Variants in PPP2R2B observed in about 807,000 individuals in gnomAD.
PPP2R2B encodes serine/threonine-protein phosphatase 2A 55 kDa regulatory subunit B beta isoform.
PPP2R2B carries 5 observed loss-of-function variants against 46.0 expected under a neutral mutation model. The ratio of observed to expected loss-of-function variants is 0.11; its 90% CI spans 0.06 to 0.23. The LOEUF (loss-of-function observed/expected upper bound fraction) is 0.23, where lower values mean the gene tolerates loss of function less well. Ranked by LOEUF, PPP2R2B falls within the 10% of genes least tolerant of loss-of-function variation. The pLI is 1.00. For missense variants in PPP2R2B, 367 were observed against 575.0 expected, an observed-to-expected ratio of 0.64 and a Z score of 3.70; for synonymous variants, 215 against 206.7, an observed-to-expected ratio of 1.04 and a Z score of -0.34.
intron 2 of PPP2R2B, among the ~76,000 whole-genome samples, chr5:146,858,295 T>C (rs536564061): frequency 1.9e-4 from 29 of 152,144 alleles, no homozygotes; most frequent in Non-Finnish European, 3.8e-4. Context: ...AAAATGTATG[T>C]GGTCCAGTGC....
chr5:146,737,237 G>A (rs1040470316), intron 2 of PPP2R2B, among the ~76,000 whole-genome samples: 3 of 152,190 alleles, frequency 2.0e-5, no homozygotes, highest in African/African-American at 4.8e-5. Context: ...TAGGACAAGT[G>A]CCTTCTAGGC....
intron 2 of PPP2R2B, among the ~76,000 whole-genome samples, chr5:146,780,341 T>C (rs1235592206): frequency 6.6e-6 from 1 of 152,176 alleles, no homozygotes. Context: ...AGAAAAGTAA[T>C]AATAAAGTAG....
chr5:147,071,846 G>C (rs903411253), intron 2 of PPP2R2B, among the ~76,000 whole-genome samples: 1 of 152,186 alleles, frequency 6.6e-6, no homozygotes, highest in Non-Finnish European at 1.5e-5. Context: ...AGAATGCCAA[G>C]CACATAGTAG....
intron 2 of PPP2R2B, among the ~76,000 whole-genome samples, chr5:146,819,103 C>G (rs1758104439): frequency 6.6e-6 from 1 of 152,168 alleles, no homozygotes; most frequent in Non-Finnish European, 1.5e-5. Flanking sequence ...TGAAAATCAG[C>G]TCTAATTCTT....
At chr5:146,861,334 G>T (rs1241288879) in intron 2 of PPP2R2B, among the ~76,000 whole-genome samples, 2 of 152,048 alleles carry the variant, frequency 1.3e-5, no homozygotes, top group African/African-American at 2.4e-5. Flanking sequence ...GGGATTACAG[G>T]TGTGAGCCAC....
chr5:146,837,302 C>A (rs181801959), intron 2 of PPP2R2B, among the ~76,000 whole-genome samples: 31 of 152,248 alleles, frequency 2.0e-4, no homozygotes, highest in South Asian at 4.1e-4. Flanking sequence ...TTGTTCTGAG[C>A]CCATTTAAAG....
At chr5:146,968,181 T>C (rs1289869883) in intron 1 of PPP2R2B, among the ~76,000 whole-genome samples, 2 of 152,228 alleles carry the variant, frequency 1.3e-5, no homozygotes, top group South Asian at 2.1e-4. Flanking sequence ...GGCAAAGTCA[T>C]TCCACATTCC....
At chr5:146,979,513 AACTT>A (rs1753067428) in intron 1 of PPP2R2B, among the ~76,000 whole-genome samples, 1 of 151,790 alleles carries the variant, frequency 6.6e-6, no homozygotes, top group African/African-American at 2.4e-5. Context: ...CAATAAATAA[AACTT>A]AAATGAACCA....
intron 2 of PPP2R2B, among the ~76,000 whole-genome samples, chr5:147,068,816 T>C (rs1264793679): frequency 6.6e-6 from 1 of 152,196 alleles, no homozygotes; most frequent in Non-Finnish European, 1.5e-5. Flanking sequence ...TTGAATATCA[T>C]TGGTATAGAC....
chr5:146,820,809 C>T (rs180934750), intron 2 of PPP2R2B, among the ~76,000 whole-genome samples: 55 of 152,254 alleles, frequency 3.6e-4, no homozygotes, highest in East Asian at 2.5e-3. Flanking sequence ...GGACTCCATC[C>T]GTCAAATTGC....
chr5:146,618,314 T>C (rs1773389909), intron 7 of PPP2R2B, among the ~76,000 whole-genome samples: 1 of 152,126 alleles, frequency 6.6e-6, no homozygotes, highest in Non-Finnish European at 1.5e-5. Context: ...AGGCAGCCTC[T>C]CGAAGCTCAA....
intron 2 of PPP2R2B, among the ~76,000 whole-genome samples, chr5:146,770,948 T>C (rs1388651616): frequency 6.6e-6 from 1 of 152,202 alleles, no homozygotes; most frequent in East Asian, 1.9e-4. Context: ...AGTGACATTC[T>C]TTTTTAATAA....
At chr5:146,856,556 T>C (rs1561963119) in intron 2 of PPP2R2B, 1 of 1,612,956 alleles carries the variant, frequency 6.2e-7, no homozygotes, top group South Asian at 1.1e-5. Context: ...TGGGCCACTA[T>C]TCTCTGTCTT....
intron 5 of PPP2R2B, among the ~76,000 whole-genome samples, chr5:146,687,678 T>C (rs1467080840): frequency 1.3e-5 from 2 of 152,202 alleles, no homozygotes; most frequent in South Asian, 2.1e-4. Context: ...GCAGGGGATA[T>C]AGTTTTCATA....
At chr5:147,030,064 T>C (rs990266004) in intron 1 of PPP2R2B, among the ~76,000 whole-genome samples, 16 of 152,242 alleles carry the variant, frequency 1.1e-4, no homozygotes, top group African/African-American at 3.9e-4. Flanking sequence ...TAGAATTGCA[T>C]GTTGCTGTAT....
chr5:146,674,566 G>T (rs1487490792), intron 5 of PPP2R2B, among the ~76,000 whole-genome samples: 1 of 152,074 alleles, frequency 6.6e-6, no homozygotes, highest in African/African-American at 2.4e-5. Flanking sequence ...TTCCCTTCTG[G>T]TCCTAAGGAA....
At chr5:146,954,897 T>C (rs1751814106) in intron 1 of PPP2R2B, among the ~76,000 whole-genome samples, 1 of 151,998 alleles carries the variant, frequency 6.6e-6, no homozygotes, top group Non-Finnish European at 1.5e-5. Flanking sequence ...TACAATCCCA[T>C]AGTGTAGGTA....
At chr5:146,689,492 G>A (rs1778704874) in intron 5 of PPP2R2B, among the ~76,000 whole-genome samples, 1 of 152,166 alleles carries the variant, frequency 6.6e-6, no homozygotes, top group Admixed American at 6.5e-5. Context: ...AGGACCAACA[G>A]GCAATGTAGT....
At chr5:146,706,592 G>T (rs1173746930) in intron 2 of PPP2R2B, 2 of 839,418 alleles carry the variant, frequency 2.4e-6, no homozygotes, top group African/African-American at 1.7e-5. Context: ...CATCCTTAAT[G>T]ACCAGCTCCC....
Sources: allele counts gnomAD v4.1 joint callset (sites outside exome capture counted in the v4.1 genomes callset), GRCh38; gene constraint gnomAD v4.1.1; transcripts MANE v1.5; gene names NCBI Gene and HGNC (gene_info 2026-07-23, HGNC 2026-07-21).